The following PLXDC1 variants were observed in gnomAD, a reference collection of about 807,000 sequenced individuals.
PLXDC1 encodes plexin domain containing 1, also known as plexin domain-containing protein 1.
PLXDC1 carries 39 observed loss-of-function variants against 61.3 expected under a neutral mutation model. The ratio of observed to expected loss-of-function variants is 0.64; its 90% confidence interval spans 0.49 to 0.83. The LOEUF (loss-of-function observed/expected upper bound fraction) is 0.83, where lower values mean the gene tolerates loss of function less well. Ranked by LOEUF, PLXDC1 falls within the 40% of genes least tolerant of loss-of-function variation. The probability of loss-of-function intolerance (pLI) is 0.00; values close to 1 mark genes in which losing one functional copy is unlikely to be tolerated. For missense variants in PLXDC1, 596 were observed against 666.5 expected (o/e 0.89, Z 1.17); for synonymous variants, 212 against 254.5 (o/e 0.83, Z 1.59).
chr17:39,076,077 G>GAAAAAAAAAAAAAAA (rs71352340), intron 11 of PLXDC1, among the ~76,000 whole-genome samples: 3 of 82,388 alleles, frequency 3.6e-5, no homozygotes, highest in African/African-American at 1.1e-4. Flanking sequence ...GACTAAGTCT[G>GAAAAAAAAAAAAAAA]AAAAAAAAAA....
At chr17:39,113,306 T>C (rs938981244) in intron 2 of PLXDC1, 1 of 152,240 alleles carries the variant, frequency 6.6e-6, no homozygotes, top group African/African-American at 2.4e-5. Flanking sequence ...CCTCCAGAAC[T>C]GCAAGTGAAT....
intron 7 of PLXDC1, among the ~76,000 whole-genome samples, chr17:39,102,705 TACACACACACAC>T (rs553513409): frequency 2.9e-5 from 4 of 136,158 alleles, no homozygotes; most frequent in Admixed American, 2.2e-4. Context: ...TGCTATCAAA[TACACACACACAC>T]ACACACACAC....
upstream of PLXDC1, chr17:39,152,471 G>T (rs2045380556): frequency 4.5e-6 from 5 of 1,122,130 alleles, no homozygotes; most frequent in South Asian, 1.8e-4. Flanking sequence ...AAAAATACCC[G>T]CAATGTAGGA....
At chr17:39,135,676 T>TAAA (rs35762241) in intron 2 of PLXDC1, among the ~76,000 whole-genome samples, 3 of 104,394 alleles carry the variant, frequency 2.9e-5, no homozygotes, top group Admixed American at 2.1e-4. Context: ...ACACTCCGTC[T>TAAA]AAAAAAAAAA....
intron 5 of PLXDC1, chr17:39,107,836 G>A: frequency 1.8e-6 from 1 of 568,128 alleles, no homozygotes; most frequent in Non-Finnish European, 3.2e-6. Flanking sequence ...TTCAGACGGG[G>A]CTCAAGGGAC....
At chr17:39,070,757 C>G (rs559422996) in intron 12 of PLXDC1, among the ~76,000 whole-genome samples, 1 of 152,186 alleles carries the variant, frequency 6.6e-6, no homozygotes, top group Non-Finnish European at 1.5e-5. Flanking sequence ...GCAGGCAGGT[C>G]ACCTGAGGTC....
At chr17:39,152,423 G>T, upstream of PLXDC1, 2 of 884,914 alleles carry the variant, frequency 2.3e-6, no homozygotes, top group Non-Finnish European at 1.5e-6. Context: ...AGGCTCTGGG[G>T]ATAGATAATC....
At chr17:39,119,451 AAAATT>A (rs1272931336) in intron 2 of PLXDC1, among the ~76,000 whole-genome samples, 1 of 152,226 alleles carries the variant, frequency 6.6e-6, no homozygotes, top group Non-Finnish European at 1.5e-5. Context: ...TGTCAATTAA[AAAATT>A]AAATTAGATC....
intron 1 of PLXDC1, among the ~76,000 whole-genome samples, chr17:39,148,250 C>G (rs2045353715): frequency 6.6e-6 from 1 of 152,136 alleles, no homozygotes; most frequent in Non-Finnish European, 1.5e-5. Context: ...CGTTATGCTG[C>G]CCTCACTATG....
intron 2 of PLXDC1, 37 bp downstream of exon 2, chr17:39,139,617 C>T (rs1485567795): frequency 6.5e-7 from 1 of 1,541,768 alleles, no homozygotes; most frequent in East Asian, 2.3e-5. Context: ...TCCCCCACCC[C>T]CACTTCGCTC....
At chr17:39,076,896 C>T (rs907572454) in intron 11 of PLXDC1, among the ~76,000 whole-genome samples, 3 of 151,970 alleles carry the variant, frequency 2.0e-5, no homozygotes, top group African/African-American at 7.3e-5. Flanking sequence ...CGACCATGCC[C>T]AGCTAATTTT....
intron 7 of PLXDC1, among the ~76,000 whole-genome samples, chr17:39,091,473 C>T (rs1439893825): frequency 6.6e-6 from 1 of 152,140 alleles, no homozygotes; most frequent in African/African-American, 2.4e-5. Context: ...CAGGCCTCCT[C>T]CCACGTCTCC....
At chr17:39,099,583 C>T (rs1026949398) in intron 7 of PLXDC1, among the ~76,000 whole-genome samples, 1 of 152,036 alleles carries the variant, frequency 6.6e-6, no homozygotes, top group Non-Finnish European at 1.5e-5. Context: ...GAAAAGATTC[C>T]CCTGGGTGGA....
intron 2 of PLXDC1, among the ~76,000 whole-genome samples, chr17:39,122,919 A>G (rs1306502012): frequency 6.6e-6 from 1 of 152,214 alleles, no homozygotes; most frequent in Non-Finnish European, 1.5e-5. Context: ...AAGTAAAGCC[A>G]CATTGGGAGA....
intron 2 of PLXDC1, among the ~76,000 whole-genome samples, chr17:39,111,445 C>T (rs971243926): frequency 6.6e-6 from 1 of 152,198 alleles, no homozygotes; most frequent in Non-Finnish European, 1.5e-5. Context: ...CCTCCACGCC[C>T]AGCAAATTTT....
chr17:39,118,084 C>CCTTCCTTCCTT (rs56792110), intron 2 of PLXDC1, among the ~76,000 whole-genome samples: 1,673 of 101,906 alleles, frequency 0.016, 26 homozygotes, highest in Middle Eastern at 0.023. Context: ...CTCCCTCCCT[C>CCTTCCTTCCTT]CCTTCCTTCC....
chr17:39,076,473 T>C (rs1027372633), intron 11 of PLXDC1, among the ~76,000 whole-genome samples: 2 of 145,486 alleles, frequency 1.4e-5, no homozygotes, highest in African/African-American at 5.2e-5. Context: ...ATCACTCCAG[T>C]GCACTCCAGC....
chr17:39,152,425 T>C (rs2045380298), upstream of PLXDC1: 2 of 892,316 alleles, frequency 2.2e-6, no homozygotes, highest in Non-Finnish European at 1.5e-6. Context: ...GCTCTGGGGA[T>C]AGATAATCTT....
At position 39,104,431 on chromosome 17, in the gene PLXDC1, T is replaced by TA. The variant is rs550980624; in HGVS notation, c.811+1422dup. The stretch of plus-strand genomic sequence containing the variant: ...TAAGCCCTGGTCCTTTCCTTCAGAT[T>TA]AAAAAAAAAATAGATTAAAGGCCCC... On this transcript the variant is annotated intron_variant, in intron 7 of 13. Transcript: ENST00000315392. Among the ~76,000 whole-genome samples, 379 of 149,162 alleles carry TA rather than the reference T, an allele frequency of 2.5e-3. 2 individuals carry two copies. Among genetic ancestry groups the TA allele is most frequent in the Middle Eastern group, 0.014 (4 of 294 alleles).
Sources: allele counts gnomAD v4.1 joint callset (sites outside exome capture counted in the v4.1 genomes callset), GRCh38; gene constraint gnomAD v4.1.1; transcripts MANE v1.5; gene names NCBI Gene and HGNC (gene_info 2026-07-23, HGNC 2026-07-21).